CLDN16: variants seen among roughly 807,000 people sequenced by gnomAD.
The protein encoded by CLDN16 is claudin 16, also known as claudin-16.
CLDN16 carries 13 observed loss-of-function variants against 24.6 expected under a neutral mutation model. That is an observed-to-expected ratio of 0.53 (90% CI 0.34 to 0.84). The LOEUF is 0.84. Among genes scored for constraint, CLDN16 ranks in the 40% least tolerant of loss-of-function variants. The probability of loss-of-function intolerance (pLI) is 0.01; values close to 1 mark genes in which losing one functional copy is unlikely to be tolerated. For missense variants in CLDN16, 298 were observed against 292.7 expected, an observed-to-expected ratio of 1.02 and a Z score of -0.13; for synonymous variants, 116 against 106.7, an observed-to-expected ratio of 1.09 and a Z score of -0.54.
chr3:190,344,013 T>A (rs79745598), intron 1 of CLDN16, among the ~76,000 whole-genome samples: 5,949 of 152,186 alleles, frequency 0.039, 391 homozygotes, highest in African/African-American at 0.13. Context: ...GATGATGGAT[T>A]TGCTATTTTG....
chr3:190,308,435 C>A, the CLDN16 span: 1 of 1,613,378 alleles, frequency 6.2e-7, no homozygotes, highest in South Asian at 1.1e-5. Flanking sequence ...TGACCAAATT[C>A]GTACCTAAAA....
chr3:190,299,224 A>G, the CLDN16 span, among the ~76,000 whole-genome samples: 29 of 152,276 alleles, frequency 1.9e-4, no homozygotes, highest in Non-Finnish European at 1.0e-4. Context: ...ACATTTTAAT[A>G]AGCTTATATC....
At chr3:190,368,995 T>G (rs1718080502) in intron 1 of CLDN16, among the ~76,000 whole-genome samples, 1 of 151,974 alleles carries the variant, frequency 6.6e-6, no homozygotes, top group Admixed American at 6.6e-5. Context: ...CCAAAAATGA[T>G]AGTCTTGTAA....
chr3:190,396,949 A>T lies in CLDN16; in HGVS notation c.115-5388A>T, dbSNP rs534902402. ...TTAAGGAACCAAGTAGCCAGCGTTC[A>T]CGAGAGAGGCAGGTTGGGTAGGATC... On this transcript the variant is annotated intron_variant, in intron 1 of 4. Transcript: ENST00000264734. 4.3e-4 allele frequency among the ~76,000 whole-genome samples: 66 copies of T among 152,326 alleles called. 1 individual carries two copies. In the South Asian group the frequency reaches 7.7e-3, roughly 18 times the overall value.
At chr3:190,361,054 A>T (rs1717877722) in intron 1 of CLDN16, among the ~76,000 whole-genome samples, 1 of 152,038 alleles carries the variant, frequency 6.6e-6, no homozygotes, top group Non-Finnish European at 1.5e-5. Flanking sequence ...TAATTCCTTC[A>T]ATTTTATTTA....
chr3:190,387,605 A>G (rs190271817), upstream of CLDN16, among the ~76,000 whole-genome samples: 2 of 152,286 alleles, frequency 1.3e-5, no homozygotes, highest in East Asian at 3.9e-4. Context: ...ATAAATTCAG[A>G]GCAAGAATTT....
intron 1 of CLDN16, among the ~76,000 whole-genome samples, chr3:190,336,110 GA>G (rs200241584): frequency 1.1e-4 from 17 of 150,736 alleles, no homozygotes; most frequent in East Asian, 5.8e-4. Flanking sequence ...TTACTCAGGA[GA>G]AAAAAAAATG....
At chr3:190,362,073 C>G (rs919166940) in intron 1 of CLDN16, among the ~76,000 whole-genome samples, 2 of 145,494 alleles carry the variant, frequency 1.4e-5, no homozygotes, top group African/African-American at 5.1e-5. Context: ...AGCACCTCCT[C>G]ACCAGCTCAT....
intron 3 of CLDN16, among the ~76,000 whole-genome samples, chr3:190,375,702 C>T (rs1246206555): frequency 1.3e-5 from 2 of 151,906 alleles, no homozygotes; most frequent in African/African-American, 4.8e-5. Context: ...CTTTGAGTCT[C>T]CCCTCTATCC....
chr3:190,330,321 CT>C (rs1717156485), intron 1 of CLDN16, among the ~76,000 whole-genome samples: 1 of 152,120 alleles, frequency 6.6e-6, no homozygotes, highest in Non-Finnish European at 1.5e-5. Flanking sequence ...ATAATAGTAA[CT>C]AGTTGTGATC....
intron 2 of CLDN16, among the ~76,000 whole-genome samples, chr3:190,374,115 T>C (rs1407694423): frequency 2.0e-5 from 3 of 151,906 alleles, no homozygotes; most frequent in Non-Finnish European, 2.9e-5. Context: ...CATATAAACA[T>C]AGAACTCAGT....
At chr3:190,324,957 T>C (rs1045174033) in intron 1 of CLDN16, among the ~76,000 whole-genome samples, 2 of 152,180 alleles carry the variant, frequency 1.3e-5, no homozygotes, top group Admixed American at 1.3e-4. Flanking sequence ...ATGGTAAGTG[T>C]CCTAGCCTGT....
chr3:190,330,284 T>C (rs1021736891), intron 1 of CLDN16, among the ~76,000 whole-genome samples: 1 of 152,170 alleles, frequency 6.6e-6, no homozygotes, highest in Non-Finnish European at 1.5e-5. Flanking sequence ...AATAAACTAT[T>C]AAAATACTCA....
In CLDN16 at chr3:190,391,938, C is replaced by T. The variant is rs554148607; in HGVS notation, c.114+3495C>T. ...AATTTGGGTTTTGAGATTTTTCAAG[C>T]GTATGTTTGCATCTTAACCCTTATT... On this transcript the variant is annotated intron_variant, in intron 1 of 4. Coordinates refer to ENST00000264734, the MANE Select transcript of CLDN16 (RefSeq NM_006580.4). Among the ~76,000 whole-genome samples the T allele has an allele frequency of 2.6e-5, 4 of 152,138 alleles. No homozygotes were observed. The South Asian group carries it at 8.3e-4, about 32-fold the overall frequency.
chr3:190,397,800 T>A (rs948443117), intron 1 of CLDN16, among the ~76,000 whole-genome samples: 4 of 152,220 alleles, frequency 2.6e-5, no homozygotes, highest in African/African-American at 9.6e-5. Flanking sequence ...TTTTCTCTAA[T>A]GAGCTCATTG....
chr3:190,368,736 A>T (rs1401909921), intron 1 of CLDN16, among the ~76,000 whole-genome samples: 1 of 151,956 alleles, frequency 6.6e-6, no homozygotes, highest in East Asian at 1.9e-4. Context: ...GGACAAGGAA[A>T]ACCAGCATGA....
rs761279477 is a variant in CLDN16 at position 190,408,297 on chromosome 3, T to C, written c.383-17T>C. ...AAAATGTCCCCTATTATTTGTAGCATCCTCCCTTTCTTTCAGGTACCCCAG... is the reference window on the plus strand; with the variant it reads ...AAAATGTCCCCTATTATTTGTAGCACCCTCCCTTTCTTTCAGGTACCCCAG... On this transcript the variant is annotated splice_polypyrimidine_tract_variant and intron_variant, in intron 3 of 4. Coordinates refer to ENST00000264734, the MANE Select transcript of CLDN16 (RefSeq NM_006580.4). 1 of 1,610,818 alleles carries C rather than the reference T, an allele frequency of 6.2e-7. No homozygotes were observed. The highest frequency in any genetic ancestry group is 1.1e-5 in the South Asian group (1 of 91,026).
Position 190,391,306 on chromosome 3 carries a change from A to G in CLDN16, c.114+2863A>G, listed in dbSNP as rs568999776. Among the ~76,000 whole-genome samples the G allele has an allele frequency of 5.9e-5, 9 of 151,508 alleles. No individual in the cohort carries two copies. The South Asian group carries it at 1.5e-3, about 24-fold the overall frequency. On this transcript the variant is annotated intron_variant, in intron 1 of 4. Coordinates refer to ENST00000264734, the MANE Select transcript of CLDN16 (RefSeq NM_006580.4). ...TCAGTATAAAAATATATACAATTAT[A>G]TCATATAAAAGGAATGATGCTACTC...
At chr3:190,362,093 C>G (rs984843696) in intron 1 of CLDN16, among the ~76,000 whole-genome samples, 1 of 150,272 alleles carries the variant, frequency 6.7e-6, no homozygotes, top group Non-Finnish European at 1.5e-5. Context: ...TCTATAAAAC[C>G]CCTTGCATTT....
Sources: gnomAD v4.1 joint callset for allele counts (sites outside exome capture counted in the v4.1 genomes callset) on GRCh38, gnomAD v4.1.1 for gene constraint, MANE v1.5 for transcripts, NCBI Gene and HGNC (gene_info 2026-07-23, HGNC 2026-07-21) for gene names.